The following MACROD1 variants were observed in gnomAD, a reference collection of about 807,000 sequenced individuals.
MACROD1 encodes ADP-ribose glycohydrolase MACROD1.
MACROD1 carries 31 observed loss-of-function variants against 41.4 expected under a neutral mutation model. The observed-to-expected ratio is 0.75, with a 90% CI of 0.56 to 1.01. The LOEUF (loss-of-function observed/expected upper bound fraction) is 1.01, where lower values mean the gene tolerates loss of function less well. MACROD1 is among the 50% of genes least tolerant of loss of function. The pLI is 0.00. For synonymous variants in MACROD1, 252 were observed against 203.4 expected (o/e 1.24, Z -2.03); for missense variants, 473 against 460.0 (o/e 1.03, Z -0.26).
At chr11:64,019,797 C>T (rs898270896) in intron 3 of MACROD1, among the ~76,000 whole-genome samples, 9 of 151,790 alleles carry the variant, frequency 5.9e-5, no homozygotes, top group Non-Finnish European at 1.0e-4. Context: ...GGAATGGGGG[C>T]GTGTGGGATC....
chr11:63,999,656 G>C lies in MACROD1; in HGVS notation c.772C>G (p.Arg258Gly), dbSNP rs758192787. 1.2e-6 allele frequency: 2 copies of C among 1,609,112 alleles called. No homozygotes were observed. Among genetic ancestry groups the C allele is most frequent in the Admixed American group, 3.3e-5 (2 of 59,738 alleles). ...CCGTCCCTCACCACCGAGCGGAGCCGGTGCTCCAGCAGCAGGTCCAGACTG... is the reference window on the plus strand; with the variant it reads ...CCGTCCCTCACCACCGAGCGGAGCCCGTGCTCCAGCAGCAGGTCCAGACTG... ...LSSLDLLLEH[R>G]LRSVAFPCIS... The change falls in exon 6 of 11, where the codon CGG becomes GGG. Residue 258 changes from arginine (R) to glycine (G), a missense_variant. Arg to Gly is a moderately radical substitution (Grantham distance 125). Transcript: ENST00000255681.
At chr11:64,078,443 A>C (rs1406586154) in intron 3 of MACROD1, among the ~76,000 whole-genome samples, 1 of 152,166 alleles carries the variant, frequency 6.6e-6, no homozygotes, top group Non-Finnish European at 1.5e-5. Flanking sequence ...GCCTCAATCC[A>C]ATTACGCCAG....
At chr11:64,027,798 C>T (rs1943241144) in intron 3 of MACROD1, among the ~76,000 whole-genome samples, 1 of 152,184 alleles carries the variant, frequency 6.6e-6, no homozygotes, top group South Asian at 2.1e-4. Context: ...CAGCAAGGAG[C>T]CCTTGACCTA....
intron 3 of MACROD1, among the ~76,000 whole-genome samples, chr11:64,065,947 A>T (rs1943998077): frequency 6.6e-6 from 1 of 152,082 alleles, no homozygotes; most frequent in Non-Finnish European, 1.5e-5. Flanking sequence ...TTTCCAGGGG[A>T]GGTGACCTTT....
chr11:64,164,489 C>G (rs1410716351), intron 1 of MACROD1, among the ~76,000 whole-genome samples: 1 of 152,242 alleles, frequency 6.6e-6, no homozygotes, highest in Non-Finnish European at 1.5e-5. Context: ...AGTGGCTCCC[C>G]CTCCAGGGGT....
chr11:64,152,247 G>A (rs777902096), intron 2 of MACROD1, 45 bp downstream of exon 2: 16 of 1,548,976 alleles, frequency 1.0e-5, no homozygotes, highest in South Asian at 3.3e-5. Flanking sequence ...CCCAAGCCAC[G>A]GGTCTGGAGC....
At chr11:64,148,588 CACT>C in intron 3 of MACROD1, among the ~76,000 whole-genome samples, 1 of 152,294 alleles carries the variant, frequency 6.6e-6, no homozygotes, top group South Asian at 2.1e-4. Flanking sequence ...CCGTGGTAGG[CACT>C]GAGAAGCAAT....
chr11:64,012,226 G>A (rs1005266545), intron 4 of MACROD1, among the ~76,000 whole-genome samples: 1 of 151,656 alleles, frequency 6.6e-6, no homozygotes, highest in African/African-American at 2.4e-5. Context: ...CCTCTGCCAT[G>A]CCTCTGAGTG....
chr11:64,101,610 G>A (rs1031477175), intron 3 of MACROD1, among the ~76,000 whole-genome samples: 2 of 152,098 alleles, frequency 1.3e-5, no homozygotes, highest in African/African-American at 2.4e-5. Flanking sequence ...TCCATCTCTC[G>A]CTTTCATGGA....
intron 3 of MACROD1, among the ~76,000 whole-genome samples, chr11:64,110,965 C>T (rs990951009): frequency 5.9e-5 from 9 of 152,148 alleles, no homozygotes; most frequent in South Asian, 2.1e-4. Context: ...GGGAGGGGGG[C>T]GGCAGGGGAG....
chr11:64,156,744 G>C (rs1040947463), intron 1 of MACROD1, among the ~76,000 whole-genome samples: 2 of 152,276 alleles, frequency 1.3e-5, no homozygotes, highest in South Asian at 4.1e-4. Context: ...CCACTTCCCA[G>C]AGACAGCATG....
At chr11:64,151,762 G>C (rs1272286514) in intron 2 of MACROD1, among the ~76,000 whole-genome samples, 1 of 152,190 alleles carries the variant, frequency 6.6e-6, no homozygotes, top group Non-Finnish European at 1.5e-5. Context: ...ATCTCGGGCA[G>C]GTGGCTCACC....
At chr11:64,135,234 G>T (rs185852464) in intron 3 of MACROD1, among the ~76,000 whole-genome samples, 291 of 152,350 alleles carry the variant, frequency 1.9e-3, no homozygotes, top group African/African-American at 6.8e-3. Context: ...GGTCAGTCTA[G>T]CAGGGACCAT....
chr11:64,015,578 G>T (rs530566698), intron 3 of MACROD1, among the ~76,000 whole-genome samples: 1 of 152,124 alleles, frequency 6.6e-6, no homozygotes, highest in Non-Finnish European at 1.5e-5. Flanking sequence ...GATGGCCCCC[G>T]CCACGGCCCT....
intron 4 of MACROD1, chr11:64,001,670 A>T: frequency 1.4e-6 from 1 of 701,602 alleles, no homozygotes; most frequent in Non-Finnish European, 2.6e-6. Flanking sequence ...GAACGCTGAG[A>T]ACGGCTCAGG....
intron 3 of MACROD1, among the ~76,000 whole-genome samples, chr11:64,129,264 C>CG (rs956361520): frequency 2.0e-5 from 3 of 152,346 alleles, no homozygotes; most frequent in African/African-American, 7.2e-5. Flanking sequence ...CCATGGGCTC[C>CG]GCCAGTTACC....
At chr11:64,088,692 C>A (rs72918433) in intron 3 of MACROD1, among the ~76,000 whole-genome samples, 2,612 of 152,262 alleles carry the variant, frequency 0.017, 38 homozygotes, top group Non-Finnish European at 0.028. Flanking sequence ...CTCTGGGTCT[C>A]GGCTGCCCTG....
At chr11:64,039,396 A>G (rs530866271) in intron 3 of MACROD1, among the ~76,000 whole-genome samples, 29 of 152,114 alleles carry the variant, frequency 1.9e-4, no homozygotes, top group African/African-American at 5.8e-4. Flanking sequence ...CTGCCTTCCA[A>G]GTGTGTTTGA....
chr11:64,116,286 ACCG>A, intron 3 of MACROD1: 2 of 1,596,046 alleles, frequency 1.3e-6, no homozygotes, highest in Non-Finnish European at 1.7e-6. Context: ...GGCACACCCC[ACCG>A]CCACTGCCAC....
Sources: gnomAD v4.1 joint callset for allele counts (sites outside exome capture counted in the v4.1 genomes callset) on GRCh38, gnomAD v4.1.1 for gene constraint, MANE v1.5 for transcripts, NCBI Gene and HGNC (gene_info 2026-07-23, HGNC 2026-07-21) for gene names.